The following SLC22A25 variants were observed in gnomAD, a reference collection of about 807,000 sequenced individuals.
The protein encoded by SLC22A25 is MGI:2442751, MGI:2385316, MGI:3042283, MGI:3645714, MGI:3605624, MGI:2442750.
SLC22A25 carries 44 observed loss-of-function variants against 45.9 expected under a neutral mutation model. That is an observed-to-expected ratio of 0.96 (90% CI 0.75 to 1.23). The LOEUF (loss-of-function observed/expected upper bound fraction) is 1.23, where lower values mean the gene tolerates loss of function less well. Among genes scored for constraint, SLC22A25 ranks in the 50% most tolerant of loss-of-function variants. The pLI is 0.00. For missense variants in SLC22A25, 800 were observed against 666.4 expected, an observed-to-expected ratio of 1.20 and a Z score of -2.21; for synonymous variants, 283 against 238.6, an observed-to-expected ratio of 1.19 and a Z score of -1.72.
rs267603085 is a variant in SLC22A25, at chr11:63,163,868, C to T, written c.1600G>A (p.Gly534Arg). ...TGAGGGGCAGCTAGGCTATTTACTC[C>T]CTCATTTTCCACATCCTGGATGCTG... ...LDSIQDVENEGVNSLAAPQRS... is the reference protein window; with the variant it reads ...LDSIQDVENERVNSLAAPQRS... Residue 534 changes from glycine to arginine, a missense_variant, in exon 12 of 12, where the codon GGA becomes AGA. Gly to Arg is a moderately radical substitution (Grantham distance 125). Transcript: ENST00000306494. 1.8e-4 allele frequency: 293 copies of T among 1,613,704 alleles called. No individual in the cohort carries two copies. The highest frequency in any genetic ancestry group is 2.4e-4 in the Non-Finnish European group (284 of 1,179,886).
chr11:63,237,192 GGGAGGAA>G (rs1334791818), intron 3 of SLC22A25, among the ~76,000 whole-genome samples: 1 of 152,154 alleles, frequency 6.6e-6, no homozygotes, highest in Non-Finnish European at 1.5e-5. Context: ...GACTACTAGA[GGGAGGAA>G]GGAGGGAGGA....
chr11:63,162,608 GAAGA>G lies in SLC22A25; in HGVS notation c.*1212_*1215del, dbSNP rs1191042260. On this transcript the variant is annotated 3_prime_UTR_variant, in exon 12 of 12. Transcript: ENST00000306494. The stretch of plus-strand genomic sequence containing the variant: ...GCAATTACTCTATTAAATAATTAAG[GAAGA>G]ATCATTGTTTTAAATATTATTCCAT... Among the ~76,000 whole-genome samples, 2 of 151,922 alleles carry G rather than the reference GAAGA, an allele frequency of 1.3e-5. No individual in the cohort carries two copies. The highest frequency in any genetic ancestry group is 4.8e-5 in the African/African-American group (2 of 41,352).
intron 9 of SLC22A25, among the ~76,000 whole-genome samples, chr11:63,179,279 A>G (rs2088232996): frequency 6.6e-6 from 1 of 151,772 alleles, no homozygotes; most frequent in African/African-American, 2.4e-5. Context: ...TTTCTTTATG[A>G]TCAGTTTCTT....
intron 2 of SLC22A25, among the ~76,000 whole-genome samples, chr11:63,238,511 T>A (rs1037587128): frequency 1.3e-5 from 2 of 152,248 alleles, no homozygotes. Flanking sequence ...GAAAGCACTA[T>A]GATAGCAGTG....
chr11:63,206,896 G>A (rs958389547), intron 7 of SLC22A25, among the ~76,000 whole-genome samples: 3 of 152,228 alleles, frequency 2.0e-5, no homozygotes, highest in East Asian at 1.9e-4. Flanking sequence ...CAAGGCTACA[G>A]TAACCAAAAC....
chr11:63,212,035 G>A, intron 7 of SLC22A25, among the ~76,000 whole-genome samples: 1 of 152,206 alleles, frequency 6.6e-6, no homozygotes, highest in Non-Finnish European at 1.5e-5. Flanking sequence ...CTCAAAAGAA[G>A]ACATTTATGC....
chr11:63,174,026 T>C (rs750647316), intron 9 of SLC22A25, among the ~76,000 whole-genome samples: 34 of 151,870 alleles, frequency 2.2e-4, no homozygotes, highest in Non-Finnish European at 3.7e-4. Context: ...ACATTAGGTA[T>C]TTCTCCTAAT....
At chr11:63,181,171 C>T (rs866422655) in intron 8 of SLC22A25, among the ~76,000 whole-genome samples, 1 of 152,052 alleles carries the variant, frequency 6.6e-6, no homozygotes, top group Admixed American at 6.6e-5. Flanking sequence ...AAACAGTTTG[C>T]CTGCCTCAGG....
intron 7 of SLC22A25, among the ~76,000 whole-genome samples, chr11:63,201,547 T>C (rs1157603919): frequency 6.6e-6 from 1 of 152,022 alleles, no homozygotes; most frequent in African/African-American, 2.4e-5. Flanking sequence ...TCCCAAACTA[T>C]AAAAACCCTG....
Position 63,217,419 on chromosome 11 carries a change from C to G in SLC22A25, c.725G>C (p.Ser242Thr), listed in dbSNP as rs766194671. ...GCTTCCCAGGGTTATATGTCCAATA[C>G]TAGCAGCACAAAGTGTCAATGTCAA... ...MALTLTLCAA[S>T]IGHITLGSLA... Residue 242 changes from serine to threonine, a missense_variant, in exon 7 of 12, where the codon AGT (serine) becomes ACT (threonine). By Grantham distance (58) the Ser-to-Thr change is moderately conservative. Transcript: ENST00000306494. The G allele has an allele frequency of 6.2e-7, 1 of 1,614,074 alleles. No individual in the cohort carries two copies. The highest frequency in any genetic ancestry group is 1.7e-5 in the Admixed American group (1 of 59,940).
In SLC22A25 at chr11:63,229,292, C is replaced by T; in HGVS notation, c.361G>A (p.Val121Ile). The change falls in exon 4 of 12, where the codon GTA becomes ATA. Residue 121 changes from valine (V) to isoleucine (I), a missense_variant. Transcript: ENST00000306494. ...PDTEPCVDGW[V>I]YDQSSFPSTI... is the part of the protein sequence containing the mutation. ...GAAGGGAAGGAGCTTTGGTCATATA[C>T]CCAGCCATCCACACAGGGCTCTGTA... is the stretch of plus-strand genomic sequence containing the variant. 6.3e-7 allele frequency: 1 copy of T among 1,584,002 alleles called. No homozygotes were observed. Among genetic ancestry groups the T allele is most frequent in the African/African-American group, 1.3e-5 (1 of 74,246 alleles).
chr11:63,220,069 C>G (rs1158794343), intron 5 of SLC22A25: 1 of 1,174,950 alleles, frequency 8.5e-7, no homozygotes, highest in Non-Finnish European at 1.1e-6. Flanking sequence ...CCCCAAACTT[C>G]TCATGTCACA....
chr11:63,190,947 G>A (rs192231852), intron 7 of SLC22A25, among the ~76,000 whole-genome samples: 118 of 152,338 alleles, frequency 7.7e-4, no homozygotes, highest in African/African-American at 2.7e-3. Flanking sequence ...TGAGGTGTCA[G>A]TCTGCCCCTA....
intron 5 of SLC22A25, among the ~76,000 whole-genome samples, chr11:63,219,505 A>G (rs2089800446): frequency 6.6e-6 from 1 of 152,190 alleles, no homozygotes; most frequent in East Asian, 1.9e-4. Flanking sequence ...CTTTTTCTGT[A>G]TAAAAATCCA....
intron 3 of SLC22A25, among the ~76,000 whole-genome samples, chr11:63,231,294 AC>A (rs2090063767): frequency 1.3e-5 from 2 of 152,142 alleles, no homozygotes; most frequent in South Asian, 2.1e-4. Flanking sequence ...CTATTTTTCC[AC>A]ATCCTCTCCA....
At chr11:63,202,216 A>T (rs567651555) in intron 7 of SLC22A25, among the ~76,000 whole-genome samples, 22 of 151,520 alleles carry the variant, frequency 1.5e-4, no homozygotes, top group Middle Eastern at 3.4e-3. Flanking sequence ...AAAACTGGGT[A>T]GTCATTTGGG....
chr11:63,168,292 G>A (rs2087756252), intron 9 of SLC22A25, among the ~76,000 whole-genome samples: 1 of 152,094 alleles, frequency 6.6e-6, no homozygotes, highest in African/African-American at 2.4e-5. Flanking sequence ...CTCCAGGGAG[G>A]GCATTAAACT....
chr11:63,180,759 A>G lies in SLC22A25; in HGVS notation c.971T>C (p.Met324Thr). 6.2e-7 allele frequency: 1 copy of G among 1,612,860 alleles called. No homozygotes were observed. Among genetic ancestry groups the G allele is most frequent in the Non-Finnish European group, 8.5e-7 (1 of 1,179,370 alleles). ...CTGTGCTGCCTCCAGTTCTTGCTTC[A>G]TGGTGGATTTCAAAACCTTCAACAA... ...ILTMEVLKSTMKQELEAAQKK... is the reference protein window; with the variant it reads ...ILTMEVLKSTTKQELEAAQKK... The change falls in exon 9 of 12, where the codon ATG becomes ACG. Residue 324 changes from methionine (M) to threonine (T), a missense_variant. Met to Thr is a moderately conservative substitution (Grantham distance 81). Transcript: ENST00000306494.
intron 1 of SLC22A25, among the ~76,000 whole-genome samples, chr11:63,241,624 T>C (rs563105273): frequency 6.6e-6 from 1 of 152,292 alleles, no homozygotes; most frequent in South Asian, 2.1e-4. Context: ...TGAAGCTCAA[T>C]GCATTGAGAG....
Sources: allele counts gnomAD v4.1 joint callset (sites outside exome capture counted in the v4.1 genomes callset), GRCh38; gene constraint gnomAD v4.1.1; transcripts MANE v1.5; gene names NCBI Gene and HGNC (gene_info 2026-07-23, HGNC 2026-07-21).